The following KAZN variants were observed in gnomAD, a reference collection of about 807,000 sequenced individuals.
KAZN encodes the protein kazrin.
A neutral mutation model predicts 87.4 loss-of-function variants in KAZN; 40 were observed. The observed-to-expected ratio is 0.46, with a 90% CI of 0.36 to 0.60. The LOEUF (loss-of-function observed/expected upper bound fraction) is 0.60. Ranked by LOEUF, KAZN falls within the 20% of genes least tolerant of loss-of-function variation. The probability of loss-of-function intolerance (pLI) is 0.00; values close to 1 mark genes in which losing one functional copy is unlikely to be tolerated. For missense variants in KAZN, 898 were observed against 1,073.9 expected (o/e 0.84, Z 2.29); for synonymous variants, 466 against 458.3 (o/e 1.02, Z -0.22).
chr1:14,944,335 A>C (rs1487009470), intron 1 of KAZN, among the ~76,000 whole-genome samples: 1 of 152,044 alleles, frequency 6.6e-6, no homozygotes, highest in Non-Finnish European at 1.5e-5. Context: ...GTGTTTTTCT[A>C]ATCAGCTGTG....
intron 1 of KAZN, among the ~76,000 whole-genome samples, chr1:14,931,155 G>T (rs547738306): frequency 6.6e-6 from 1 of 152,154 alleles, no homozygotes; most frequent in African/African-American, 2.4e-5. Flanking sequence ...AGGTATGGGA[G>T]GCTGGGCTCG....
At chr1:14,200,664 A>G (rs191680492) in intron 2 of KAZN, among the ~76,000 whole-genome samples, 2 of 152,290 alleles carry the variant, frequency 1.3e-5, no homozygotes, top group Admixed American at 1.3e-4. Context: ...AGCAAGTGCA[A>G]TTGTGTGTCT....
At chr1:14,105,488 T>C (rs775108194) in intron 1 of KAZN, among the ~76,000 whole-genome samples, 1 of 152,202 alleles carries the variant, frequency 6.6e-6, no homozygotes, top group African/African-American at 2.4e-5. Context: ...CCTTGCCTTG[T>C]CCTGGGAACC....
intron 2 of KAZN, among the ~76,000 whole-genome samples, chr1:14,204,527 C>A (rs527472329): frequency 3.7e-4 from 56 of 152,298 alleles, no homozygotes; most frequent in Non-Finnish European, 6.3e-4. Flanking sequence ...TTTATTTCTT[C>A]CACAAGGAGA....
chr1:14,030,016 T>A (rs192982217), intron 1 of KAZN, among the ~76,000 whole-genome samples: 405 of 152,264 alleles, frequency 2.7e-3, no homozygotes, highest in Non-Finnish European at 4.2e-3. Context: ...TTGAAGAAAG[T>A]CATTGGTAGC....
intron 1 of KAZN, among the ~76,000 whole-genome samples, chr1:14,030,452 G>C (rs1179660341): frequency 6.7e-6 from 1 of 150,344 alleles, no homozygotes; most frequent in Non-Finnish European, 1.5e-5. Context: ...AGGGGGGAGA[G>C]ATAGCATTGG....
rs35092746 is a variant in KAZN, at chr1:14,335,106, G to GCCC, written c.249+154522_249+154524dup. ...GCGGATCCCTCATGAATGACTCGGT[G>GCCC]CCCCCCCCCCACCACCCCAGTGGTG... On this transcript the variant is annotated intron_variant, in intron 2 of 16. Coordinates refer to the KAZN transcript ENST00000636203. Among the ~76,000 whole-genome samples, 73 of 146,180 alleles carry GCCC rather than the reference G, an allele frequency of 5.0e-4. 1 individual carries two copies. The South Asian group carries it at 5.3e-3, about 11-fold the overall frequency.
chr1:13,902,700 C>T (rs1205848745), intron 1 of KAZN, among the ~76,000 whole-genome samples: 1 of 152,032 alleles, frequency 6.6e-6, no homozygotes, highest in African/African-American at 2.4e-5. Flanking sequence ...TGGGAATGTT[C>T]CTGGCATAAA....
chr1:14,218,158 G>A (rs1044828871), intron 2 of KAZN, among the ~76,000 whole-genome samples: 3 of 152,044 alleles, frequency 2.0e-5, no homozygotes, highest in Non-Finnish European at 2.9e-5. Context: ...AATCACATGG[G>A]CAATTATGTG....
chr1:14,054,308 A>G (rs1326105682), intron 1 of KAZN, among the ~76,000 whole-genome samples: 1 of 152,096 alleles, frequency 6.6e-6, no homozygotes, highest in Non-Finnish European at 1.5e-5. Context: ...AAAAATAAAA[A>G]CCTTTTCATG....
At chr1:14,109,377 A>G (rs529552535) in intron 1 of KAZN, among the ~76,000 whole-genome samples, 10 of 152,316 alleles carry the variant, frequency 6.6e-5, no homozygotes, top group African/African-American at 2.4e-4. Context: ...TCCTTTGACC[A>G]CAGGCAAGTA....
chr1:14,052,204 C>G (rs545307738), intron 1 of KAZN, among the ~76,000 whole-genome samples: 1 of 152,348 alleles, frequency 6.6e-6, no homozygotes, highest in Middle Eastern at 3.4e-3. Flanking sequence ...CCAACCCAGC[C>G]AGGGCCTAAC....
rs540085327 is a variant in KAZN at position 14,050,573 on chromosome 1, C to G, written c.92-129862C>G. Among the ~76,000 whole-genome samples, 7 of 152,322 alleles carry G rather than the reference C, an allele frequency of 4.6e-5. No individual in the cohort carries two copies. In the East Asian group the frequency reaches 1.4e-3, roughly 29 times the overall value. On this transcript the variant is annotated intron_variant, in intron 1 of 16. Coordinates refer to the KAZN transcript ENST00000636203. ...ATCAGATCTCCTGAGAATTCACTCA[C>G]TCTCGTGAGAACAGCATGGAGGAAA...
rs546405883 is a variant in KAZN at position 15,079,221 on chromosome 1, G to A, written c.1222+13468G>A. ...GTCACAATGCCCAGTGTCCATAGGC[G>A]CCTGTGGAAGAGGCTCAGCTGAGCC... On this transcript the variant is annotated intron_variant, in intron 8 of 14. Coordinates refer to ENST00000376030, the MANE Select transcript of KAZN (RefSeq NM_201628.3). 3.3e-5 allele frequency among the ~76,000 whole-genome samples: 5 copies of A among 152,260 alleles called. No homozygotes were observed. The East Asian group carries it at 5.8e-4, about 18-fold the overall frequency.
At chr1:14,087,234 A>C (rs1051539913) in intron 1 of KAZN, among the ~76,000 whole-genome samples, 12 of 152,186 alleles carry the variant, frequency 7.9e-5, no homozygotes, top group African/African-American at 2.9e-4. Flanking sequence ...TGCTATCATA[A>C]ATGGCATTTT....
intron 2 of KAZN, among the ~76,000 whole-genome samples, chr1:14,387,246 C>T (rs1265957143): frequency 2.6e-5 from 4 of 151,994 alleles, no homozygotes; most frequent in African/African-American, 4.8e-5. Context: ...AACTTCTTTG[C>T]CCTTGGTTTG....
chr1:14,792,138 C>T (rs1645693101), intron 1 of KAZN, among the ~76,000 whole-genome samples: 3 of 152,294 alleles, frequency 2.0e-5, no homozygotes, highest in African/African-American at 2.4e-5. Context: ...GAAAAGTAGA[C>T]CATCCGAAAG....
chr1:15,014,903 G>T (rs774364262), intron 2 of KAZN, among the ~76,000 whole-genome samples: 10 of 152,128 alleles, frequency 6.6e-5, no homozygotes, highest in Non-Finnish European at 1.5e-4. Flanking sequence ...TGAGAAATAA[G>T]CCTCTGGAGG....
chr1:14,747,223 G>A (rs1355562186), intron 1 of KAZN, among the ~76,000 whole-genome samples: 1 of 152,106 alleles, frequency 6.6e-6, no homozygotes, highest in African/African-American at 2.4e-5. Context: ...TATGTAGATA[G>A]TTAGATGGAT....
Sources: gnomAD v4.1 joint callset for allele counts (sites outside exome capture counted in the v4.1 genomes callset) on GRCh38, gnomAD v4.1.1 for gene constraint, MANE v1.5 for transcripts, NCBI Gene and HGNC (gene_info 2026-07-23, HGNC 2026-07-21) for gene names.